The following ASTN1 variants were observed in gnomAD, a reference collection of about 807,000 sequenced individuals.
ASTN1 encodes the protein astrotactin 1, also known as astrotactin-1.
ASTN1 carries 41 observed loss-of-function variants against 140.7 expected under a neutral mutation model. That is an observed-to-expected ratio of 0.29 (90% CI 0.23 to 0.38). The LOEUF is 0.38. Among genes scored for constraint, ASTN1 ranks in the 10% least tolerant of loss-of-function variants. The pLI, the probability that ASTN1 is intolerant of heterozygous loss-of-function variation, is 1.00. For missense variants in ASTN1, 1,479 were observed against 1,678.8 expected, an observed-to-expected ratio of 0.88 and a Z score of 2.08; for synonymous variants, 640 against 652.2, an observed-to-expected ratio of 0.98 and a Z score of 0.29.
At chr1:176,857,732 T>C (rs990671914), downstream of ASTN1, 1 of 426,810 alleles carries the variant, frequency 2.3e-6, no homozygotes, top group Non-Finnish European at 4.3e-6. Flanking sequence ...CAGTGGAAGG[T>C]TGGAAAATGG....
intron 8 of ASTN1, among the ~76,000 whole-genome samples, chr1:176,986,645 G>A (rs1673920835): frequency 6.6e-6 from 1 of 151,776 alleles, no homozygotes; most frequent in Non-Finnish European, 1.5e-5. Context: ...GTGAATTCAG[G>A]AGCCAGATGA....
intron 16 of ASTN1, among the ~76,000 whole-genome samples, chr1:176,898,853 T>C (rs547985981): frequency 6.6e-6 from 1 of 152,330 alleles, no homozygotes; most frequent in Non-Finnish European, 1.5e-5. Context: ...GGAGACACTA[T>C]GCTGTCTTTT....
chr1:176,939,331 A>T (rs1671587781), intron 14 of ASTN1, among the ~76,000 whole-genome samples: 1 of 152,134 alleles, frequency 6.6e-6, no homozygotes, highest in Non-Finnish European at 1.5e-5. Context: ...ACAAGCACAG[A>T]TGTTGGGTGG....
At chr1:177,144,320 T>TCGGCTCACTGCAAACTC (rs1468814943) in intron 1 of ASTN1, among the ~76,000 whole-genome samples, 3 of 151,154 alleles carry the variant, frequency 2.0e-5, no homozygotes, top group African/African-American at 7.3e-5. Flanking sequence ...TGGCGCGATC[T>TCGGCTCACTGCAAACTC]CGGCTCACTG....
At chr1:176,984,251 C>G (rs1364801341) in intron 8 of ASTN1, among the ~76,000 whole-genome samples, 1 of 152,206 alleles carries the variant, frequency 6.6e-6, no homozygotes, top group Non-Finnish European at 1.5e-5. Flanking sequence ...TCAGTACAGA[C>G]AGCAAGAAGA....
intron 1 of ASTN1, among the ~76,000 whole-genome samples, chr1:177,136,241 G>A (rs527907492): frequency 7.2e-5 from 11 of 152,288 alleles, no homozygotes; most frequent in African/African-American, 2.6e-4. Context: ...GATTGCCTTA[G>A]GGTCTTCAGT....
chr1:177,018,813 T>C (rs142971255), intron 7 of ASTN1, among the ~76,000 whole-genome samples: 2 of 152,064 alleles, frequency 1.3e-5, no homozygotes, highest in African/African-American at 4.8e-5. Flanking sequence ...CATACAACCA[T>C]AACAAAAAAA....
chr1:176,942,423 C>G (rs913453322), intron 14 of ASTN1, among the ~76,000 whole-genome samples: 8 of 152,072 alleles, frequency 5.3e-5, no homozygotes, highest in African/African-American at 1.9e-4. Context: ...TCTTCCCATT[C>G]AGGTCTAAAC....
intron 14 of ASTN1, among the ~76,000 whole-genome samples, chr1:176,940,199 G>A (rs1017472535): frequency 1.3e-5 from 2 of 152,068 alleles, no homozygotes; most frequent in African/African-American, 4.8e-5. Flanking sequence ...CATAAAAATA[G>A]AACTCTGACT....
chr1:177,008,417 G>T (rs1209462117), intron 8 of ASTN1, among the ~76,000 whole-genome samples: 3 of 149,960 alleles, frequency 2.0e-5, no homozygotes, highest in Non-Finnish European at 3.0e-5. Flanking sequence ...GGAGAGGAAG[G>T]GGGGGTGGAG....
intron 2 of ASTN1, among the ~76,000 whole-genome samples, chr1:177,060,247 AAGT>A (rs1678017779): frequency 6.6e-6 from 1 of 152,144 alleles, no homozygotes; most frequent in Non-Finnish European, 1.5e-5. Flanking sequence ...TCAAATTTCT[AAGT>A]AGGAGAAGGA....
intron 1 of ASTN1, among the ~76,000 whole-genome samples, chr1:177,107,869 TTCAC>T (rs1456514406): frequency 6.6e-6 from 1 of 152,178 alleles, no homozygotes; most frequent in Non-Finnish European, 1.5e-5. Context: ...GATGAAACTG[TTCAC>T]TCAAAGGAAA....
At chr1:177,029,899 G>A (rs190974260) in intron 4 of ASTN1, among the ~76,000 whole-genome samples, 158 bp from the exon 5 acceptor site, 2 of 152,252 alleles carry the variant, frequency 1.3e-5, no homozygotes, top group East Asian at 1.9e-4. Context: ...CCTCATACAC[G>A]GATATGTTGG....
rs140617321 is a variant in ASTN1, at chr1:176,972,241, C to A, written c.1524-7004G>T. Among the ~76,000 whole-genome samples the A allele has an allele frequency of 3.0e-4, 46 of 152,264 alleles. 1 individual carries two copies. The East Asian group carries it at 5.4e-3, about 18-fold the overall frequency. On this transcript the variant is annotated intron_variant, in intron 8 of 22. Coordinates refer to ENST00000361833, the MANE Select transcript of ASTN1 (RefSeq NM_004319.3). The stretch of plus-strand genomic sequence containing the variant: ...ATGTGGTACATGACTGTACTTACAT[C>A]TGTAAAATGCAGATAAAATGGTGCC...
At chr1:177,138,955 C>A (rs1571838815) in intron 1 of ASTN1, among the ~76,000 whole-genome samples, 1 of 152,292 alleles carries the variant, frequency 6.6e-6, no homozygotes, top group East Asian at 1.9e-4. Context: ...GTGGTGGATT[C>A]TCTGACACCA....
chr1:176,970,731 G>GGTGTGT (rs10642697), intron 8 of ASTN1, among the ~76,000 whole-genome samples: 8,164 of 147,162 alleles, frequency 0.055, 659 homozygotes, highest in African/African-American at 0.18. Flanking sequence ...TGTGGGTATG[G>GGTGTGT]GTGTGTGTGT....
chr1:176,861,817 A>G lies in ASTN1; in HGVS notation c.*2467T>C, dbSNP rs1667975797. The G allele has an allele frequency of 1.0e-6, 1 of 985,428 alleles. No homozygotes were observed. The highest frequency in any genetic ancestry group is 1.2e-6 in the Non-Finnish European group (1 of 829,958). The allele number at this position is 985,428 out of a possible 1,614,324, so 61.0% of individuals were successfully genotyped here. A position where few individuals can be genotyped will look rare whatever the true frequency, so the allele number is the denominator to read the frequency against. On this transcript the variant is annotated 3_prime_UTR_variant, in exon 23 of 23. Transcript: ENST00000361833. ...GAAAGAAGAAGTAAAAGACAAAGATAAAGAAGGTAGAGGAACTTGGGAGAC... is the reference window on the plus strand; with the variant it reads ...GAAAGAAGAAGTAAAAGACAAAGATGAAGAAGGTAGAGGAACTTGGGAGAC...
intron 18 of ASTN1, among the ~76,000 whole-genome samples, chr1:176,887,656 T>C (rs1254847290): frequency 6.6e-6 from 1 of 152,164 alleles, no homozygotes. Flanking sequence ...CCAGTAAGTG[T>C]TCAATGAGTG....
chr1:176,953,728 G>T (rs755133809), intron 11 of ASTN1, among the ~76,000 whole-genome samples: 3 of 152,118 alleles, frequency 2.0e-5, no homozygotes, highest in Non-Finnish European at 4.4e-5. Context: ...AGGGCGGCAG[G>T]GTCACTGGGT....
Sources: gnomAD v4.1 joint callset for allele counts (sites outside exome capture counted in the v4.1 genomes callset) on GRCh38, gnomAD v4.1.1 for gene constraint, MANE v1.5 for transcripts, NCBI Gene and HGNC (gene_info 2026-07-23, HGNC 2026-07-21) for gene names.